Variants in TRDN observed in about 807,000 individuals in gnomAD.
TRDN encodes triadin, also known as triadin in skeletal muscle.
A neutral mutation model predicts 149.7 loss-of-function variants in TRDN; 161 were observed. The observed-to-expected ratio is 1.08, with a 90% CI of 0.95 to 1.23. The LOEUF is 1.23. Ranked by LOEUF, TRDN falls within the 50% of genes most tolerant of loss-of-function variation. The pLI is 0.00. For synonymous variants in TRDN, 294 were observed against 250.5 expected, an observed-to-expected ratio of 1.17 and a Z score of -1.64; for missense variants, 896 against 823.5, an observed-to-expected ratio of 1.09 and a Z score of -1.08.
At chr6:123,265,541 G>T (rs1776913487) in intron 32 of TRDN, among the ~76,000 whole-genome samples, 1 of 151,198 alleles carries the variant, frequency 6.6e-6, no homozygotes, top group Admixed American at 6.6e-5. Context: ...AGTAAAGCCT[G>T]AAAGTATGGA....
intron 1 of TRDN, among the ~76,000 whole-genome samples, chr6:123,606,268 T>C (rs924251674): frequency 1.3e-5 from 2 of 152,124 alleles, no homozygotes; most frequent in Non-Finnish European, 2.9e-5. Context: ...AAAAATATTT[T>C]AATGATTTAA....
At chr6:123,594,075 A>ATG (rs1562414269) in intron 1 of TRDN, among the ~76,000 whole-genome samples, 1 of 152,154 alleles carries the variant, frequency 6.6e-6, no homozygotes, top group Non-Finnish European at 1.5e-5. Context: ...ATTTTAAAAG[A>ATG]TGTATGCATG....
At chr6:123,501,554 A>G (rs2114825946) in intron 8 of TRDN, among the ~76,000 whole-genome samples, 1 of 152,138 alleles carries the variant, frequency 6.6e-6, no homozygotes. Context: ...TCTTAATTAA[A>G]TCTTTGCTTA....
chr6:123,535,530 A>C (rs1225734230), intron 4 of TRDN, among the ~76,000 whole-genome samples: 5 of 152,150 alleles, frequency 3.3e-5, no homozygotes, highest in African/African-American at 1.2e-4. Flanking sequence ...AATCCAAAGA[A>C]AACATTATCA....
Position 123,636,792 on chromosome 6 carries a change from A to C in TRDN, c.-17T>G. 1 of 1,611,568 alleles carries C rather than the reference A, an allele frequency of 6.2e-7. No homozygotes were observed. Among genetic ancestry groups the C allele is most frequent in the Non-Finnish European group, 8.5e-7 (1 of 1,178,320 alleles). On this transcript the variant is annotated 5_prime_UTR_variant, in exon 1 of 41. Transcript: ENST00000334268. ...CTCAGTCATGGTGGTCGTCAAAAGTAAAAGTCAGTTGAAAAGTTCCCGTCA... is the reference window on the plus strand; with the variant it reads ...CTCAGTCATGGTGGTCGTCAAAAGTCAAAGTCAGTTGAAAAGTTCCCGTCA...
At chr6:123,636,344 A>C (rs1786315399) in intron 1 of TRDN, among the ~76,000 whole-genome samples, 1 of 151,936 alleles carries the variant, frequency 6.6e-6, no homozygotes, top group Admixed American at 6.6e-5. Context: ...AGTTTAAGTA[A>C]GCATTAGTGT....
chr6:123,305,470 A>G (rs2114678591), intron 24 of TRDN, among the ~76,000 whole-genome samples: 1 of 152,298 alleles, frequency 6.6e-6, no homozygotes, highest in Admixed American at 6.5e-5. Context: ...TAAAAGTGGT[A>G]AAATGAGAAC....
At chr6:123,315,789 A>G (rs1779000357) in intron 24 of TRDN, among the ~76,000 whole-genome samples, 1 of 151,908 alleles carries the variant, frequency 6.6e-6, no homozygotes, top group Non-Finnish European at 1.5e-5. Context: ...ACATTTTCCC[A>G]TATTCTATGA....
intron 10 of TRDN, among the ~76,000 whole-genome samples, chr6:123,458,198 C>G (rs190673031): frequency 6.6e-6 from 1 of 152,232 alleles, no homozygotes; most frequent in Non-Finnish European, 1.5e-5. Context: ...ATACCCTTTT[C>G]TCTTTCATAT....
chr6:123,278,473 C>T, intron 25 of TRDN, 126 bp from the exon 26 acceptor site: 1 of 597,972 alleles, frequency 1.7e-6, no homozygotes, highest in South Asian at 3.9e-5. Context: ...CTCCTATTAA[C>T]TTCGAAAAGT....
chr6:123,624,864 A>G (rs565251975), intron 1 of TRDN, among the ~76,000 whole-genome samples: 2 of 152,264 alleles, frequency 1.3e-5, no homozygotes, highest in Admixed American at 6.5e-5. Flanking sequence ...ATGACAGGGA[A>G]CTAGGAAACA....
At chr6:123,586,744 G>A (rs1783507477) in intron 1 of TRDN, among the ~76,000 whole-genome samples, 1 of 151,904 alleles carries the variant, frequency 6.6e-6, no homozygotes. Flanking sequence ...GGAATGGAGG[G>A]TGGAAGGTTG....
chr6:123,490,194 A>C (rs1421334224), intron 9 of TRDN, among the ~76,000 whole-genome samples: 10 of 152,212 alleles, frequency 6.6e-5, no homozygotes, highest in Non-Finnish European at 1.5e-4. Flanking sequence ...AAAAAAGGAA[A>C]TATACTATAG....
At chr6:123,224,664 T>C (rs764053752) in intron 38 of TRDN, among the ~76,000 whole-genome samples, 1 of 151,780 alleles carries the variant, frequency 6.6e-6, no homozygotes, top group Non-Finnish European at 1.5e-5. Context: ...GGGGGAAAGA[T>C]AGTCTCTTCA....
At chr6:123,413,867 T>C (rs1452933570) in intron 12 of TRDN, among the ~76,000 whole-genome samples, 1 of 152,098 alleles carries the variant, frequency 6.6e-6, no homozygotes, top group African/African-American at 2.4e-5. Flanking sequence ...AATGACTAAA[T>C]CCAGAGACTC....
chr6:123,475,602 C>A (rs1777433618), intron 9 of TRDN, among the ~76,000 whole-genome samples: 1 of 120,338 alleles, frequency 8.3e-6, no homozygotes, highest in Non-Finnish European at 1.7e-5. Context: ...AGAGACACAA[C>A]CAAAAAAGAG....
intron 28 of TRDN, 113 bp downstream of exon 28, chr6:123,273,224 G>A (rs1418021253): frequency 2.3e-6 from 2 of 875,436 alleles, no homozygotes; most frequent in East Asian, 3.4e-5. Flanking sequence ...TCAAAACACA[G>A]GCTGTAATAA....
intron 12 of TRDN, chr6:123,428,995 A>G (rs1001462576): frequency 6.6e-6 from 1 of 152,150 alleles, no homozygotes; most frequent in Non-Finnish European, 1.5e-5. Context: ...TAAGAGTCAG[A>G]CCTACAGGAT....
At chr6:123,504,903 A>G (rs1778849437) in intron 7 of TRDN, among the ~76,000 whole-genome samples, 1 of 152,204 alleles carries the variant, frequency 6.6e-6, no homozygotes, top group Non-Finnish European at 1.5e-5. Context: ...GGAATCCTCT[A>G]TGTCATTTGC....
Sources: gnomAD v4.1 joint callset for allele counts (sites outside exome capture counted in the v4.1 genomes callset) on GRCh38, gnomAD v4.1.1 for gene constraint, MANE v1.5 for transcripts, NCBI Gene and HGNC (gene_info 2026-07-23, HGNC 2026-07-21) for gene names.